The following ACCSL variants were observed in gnomAD, a reference collection of about 807,000 sequenced individuals.
The protein encoded by ACCSL is probable inactive 1-aminocyclopropane-1-carboxylate synthase-like protein 2.
In ACCSL, 55 loss-of-function variants were observed where a neutral mutation model predicts 61.7. The ratio of observed to expected loss-of-function variants is 0.89; its 90% CI spans 0.72 to 1.12. The LOEUF is 1.12. Among genes scored for constraint, ACCSL ranks in the 50% most tolerant of loss-of-function variants. ACCSL has a pLI of 0.00. For missense variants in ACCSL, 632 were observed against 698.0 expected, an observed-to-expected ratio of 0.91 and a Z score of 1.07; for synonymous variants, 258 against 264.3, an observed-to-expected ratio of 0.98 and a Z score of 0.23.
At chr11:43,993,653 A>C in the ACCSL span, among the ~76,000 whole-genome samples, 2 of 151,280 alleles carry the variant, frequency 1.3e-5, no homozygotes, top group African/African-American at 4.9e-5. Context: ...AATGGGCAGC[A>C]TCACTCAGCC....
At chr11:43,980,671 G>A in the ACCSL span, among the ~76,000 whole-genome samples, 1 of 152,082 alleles carries the variant, frequency 6.6e-6, no homozygotes, top group Non-Finnish European at 1.5e-5. Context: ...TGCTTTGCTT[G>A]TCATTTGCTC....
At position 44,053,554 on chromosome 11, in the gene ACCSL, C is replaced by T. The variant is rs573091711; in HGVS notation, c.1049+48C>T. ...CTAGGTAATGTTTCTTGAAAGGATT[C>T]CCATCACTTATAGTCAAGTAATCAA... On this transcript the variant is annotated intron_variant, in intron 8 of 13. Coordinates refer to ENST00000378832, the MANE Select transcript of ACCSL (RefSeq NM_001031854.2). The T allele has an allele frequency of 7.8e-5, 119 of 1,532,860 alleles. No individual in the cohort carries two copies. In the South Asian group the frequency reaches 1.2e-3, roughly 15 times the overall value. 95.0% of individuals were successfully genotyped at this position (1,532,860 alleles called of 1,614,324 possible). A position where few individuals can be genotyped will look rare whatever the true frequency, so the allele number is the denominator to read the frequency against.
chr11:43,973,478 C>T, the ACCSL span, among the ~76,000 whole-genome samples: 3 of 151,696 alleles, frequency 2.0e-5, no homozygotes, highest in Admixed American at 2.0e-4. Context: ...GAAAAGAAAC[C>T]TTAGTACATG....
the ACCSL span, among the ~76,000 whole-genome samples, chr11:43,929,470 C>T: frequency 1.3e-5 from 2 of 152,264 alleles, no homozygotes; most frequent in South Asian, 2.1e-4. Context: ...TGAAGTGGCA[C>T]GATCTTGGCC....
At chr11:43,954,022 C>T in the ACCSL span, among the ~76,000 whole-genome samples, 19 of 151,972 alleles carry the variant, frequency 1.3e-4, no homozygotes, top group South Asian at 6.2e-4. Flanking sequence ...TGCAAGGTGA[C>T]GGGAAGGGGT....
chr11:44,056,555 G>A (rs1475894486), intron 11 of ACCSL, among the ~76,000 whole-genome samples: 2 of 152,252 alleles, frequency 1.3e-5, no homozygotes, highest in Non-Finnish European at 2.9e-5. Context: ...GGATGAGGCC[G>A]GGCATGGTGG....
chr11:44,026,383 A>T, the ACCSL span, among the ~76,000 whole-genome samples: 60,911 of 152,006 alleles, frequency 0.4, 12,709 homozygotes, highest in Admixed American at 0.42. Context: ...CCTTAAAAAA[A>T]AGGTCTACCT....
the ACCSL span, among the ~76,000 whole-genome samples, chr11:44,018,068 T>A: frequency 6.6e-6 from 1 of 152,200 alleles, no homozygotes; most frequent in Non-Finnish European, 1.5e-5. Flanking sequence ...TCCAGGGGAC[T>A]GGAGTTCTTT....
the ACCSL span, among the ~76,000 whole-genome samples, chr11:43,931,139 C>A: frequency 2.0e-5 from 3 of 152,224 alleles, no homozygotes; most frequent in Admixed American, 2.0e-4. Context: ...TTTCCAATCT[C>A]AGACTCTGCA....
upstream of ACCSL, chr11:44,047,904 A>C: frequency 8.5e-7 from 1 of 1,182,764 alleles, no homozygotes; most frequent in South Asian, 1.5e-5. Flanking sequence ...AGAAGAACAG[A>C]TCTGAGATCT....
chr11:43,943,208 G>A, the ACCSL span: 18 of 1,526,358 alleles, frequency 1.2e-5, no homozygotes, highest in South Asian at 2.2e-4. The surrounding 1 kb of genome is among the most constrained non-coding windows in gnomAD (Gnocchi z 4.8). Flanking sequence ...GCTGCAGCGG[G>A]AGCAGCTCAG....
At chr11:43,929,902 G>A in the ACCSL span, among the ~76,000 whole-genome samples, 1 of 152,120 alleles carries the variant, frequency 6.6e-6, no homozygotes, top group Non-Finnish European at 1.5e-5. Flanking sequence ...GTGTAGACGT[G>A]TTGAGAGCAA....
chr11:43,941,526 C>A, the ACCSL span, among the ~76,000 whole-genome samples: 1 of 152,226 alleles, frequency 6.6e-6, no homozygotes, highest in African/African-American at 2.4e-5. Context: ...GCCCACTTGG[C>A]CATGGCCAGG....
chr11:43,998,889 A>C, the ACCSL span, among the ~76,000 whole-genome samples: 1 of 151,974 alleles, frequency 6.6e-6, no homozygotes, highest in Non-Finnish European at 1.5e-5. Flanking sequence ...CCTCCCCAGT[A>C]GCTGAGACTA....
At chr11:43,947,755 G>C in the ACCSL span, among the ~76,000 whole-genome samples, 3 of 28,208 alleles carry the variant, frequency 1.1e-4, no homozygotes, top group African/African-American at 3.0e-4. Context: ...GAGAGAGAGA[G>C]AGAGAGAGAG....
At chr11:44,050,717 C>T (rs1952631680) in intron 3 of ACCSL, 95 bp downstream of exon 3, 1 of 1,125,364 alleles carries the variant, frequency 8.9e-7, no homozygotes, top group East Asian at 2.4e-5. Flanking sequence ...GGTTGGTTAC[C>T]TCCCTATCTC....
chr11:43,989,554 C>T, the ACCSL span, among the ~76,000 whole-genome samples: 3 of 152,346 alleles, frequency 2.0e-5, no homozygotes, highest in South Asian at 2.1e-4. Context: ...CTTCCTCTGC[C>T]CCTCACTCCC....
rs189866038 is a variant in ACCSL at position 44,058,169 on chromosome 11, G to T, written c.1328-148G>T. The T allele has an allele frequency of 8.7e-3, 8,858 of 1,014,490 alleles. 72 individuals are homozygous for T. The highest frequency in any genetic ancestry group is 0.04 in the Middle Eastern group (132 of 3,340). The allele number at this position is 1,014,490 out of a possible 1,614,324, so 62.8% of individuals were successfully genotyped here. A position where few individuals can be genotyped will look rare whatever the true frequency, so the allele number is the denominator to read the frequency against. On this transcript the variant is annotated intron_variant, in intron 11 of 13. Coordinates refer to ENST00000378832, the MANE Select transcript of ACCSL (RefSeq NM_001031854.2). ...GCCTGGGTGACAGAGGGAAACTCTG[G>T]TTTTTTTGTTTTTTTTAAAAACAGA...
intron 5 of ACCSL, 57 bp from the exon 6 acceptor site, chr11:44,052,605 C>T (rs772402298): frequency 7.3e-5 from 107 of 1,465,524 alleles, no homozygotes; most frequent in Non-Finnish European, 9.8e-5. Flanking sequence ...GGGAGCCTGG[C>T]AACAGGCTCT....
Sources: gnomAD v4.1 joint callset for allele counts (sites outside exome capture counted in the v4.1 genomes callset) on GRCh38, gnomAD v4.1.1 for gene constraint, Gnocchi (gnomAD v3.1) non-coding constraint, MANE v1.5 for transcripts, NCBI Gene and HGNC (gene_info 2026-07-23, HGNC 2026-07-21) for gene names.